FOCAD: variants seen among roughly 807,000 people sequenced by gnomAD.
The protein encoded by FOCAD is focadhesin, also known as KIAA1797.
A neutral mutation model predicts 225.6 loss-of-function variants in FOCAD; 198 were observed. The observed-to-expected ratio is 0.88, with a 90% CI of 0.78 to 0.99. The LOEUF is 0.99. Ranked by LOEUF, FOCAD falls within the 50% of genes least tolerant of loss-of-function variation. FOCAD has a pLI of 0.00. For synonymous variants in FOCAD, 897 were observed against 755.0 expected (o/e 1.19, Z -3.08); for missense variants, 2,713 against 2,123.6 (o/e 1.28, Z -5.46).
At chr9:20,949,525 A>G in intron 32 of FOCAD, 79 bp from the exon 33 acceptor site, 2 of 935,254 alleles carry the variant, frequency 2.1e-6, no homozygotes, top group African/African-American at 1.8e-5. Context: ...TAGAAGATGG[A>G]TAGCTCATGC....
intron 15 of FOCAD, among the ~76,000 whole-genome samples, chr9:20,860,086 T>A (rs976975944): frequency 6.6e-5 from 10 of 152,160 alleles, no homozygotes; most frequent in African/African-American, 2.2e-4. Context: ...AGAGCTGTTG[T>A]TAAAAGAGAA....
intron 22 of FOCAD, among the ~76,000 whole-genome samples, chr9:20,912,342 G>A (rs917064308): frequency 2.6e-5 from 4 of 152,046 alleles, no homozygotes; most frequent in African/African-American, 9.7e-5. Flanking sequence ...TAGAATTTGG[G>A]AATTATGGTA....
rs1013218303 is a variant in FOCAD at position 20,781,669 on chromosome 9, A to G, written c.995-58A>G. The G allele has an allele frequency of 7.2e-6, 11 of 1,521,016 alleles. No individual in the cohort carries two copies. In the African/African-American group the frequency reaches 1.1e-4, roughly 15 times the overall value. 94.2% of individuals were successfully genotyped at this position (1,521,016 alleles called of 1,614,324 possible). A position where few individuals can be genotyped will look rare whatever the true frequency, so the allele number is the denominator to read the frequency against. The stretch of plus-strand genomic sequence containing the variant: ...GCATATCATTCTTAAGCAAAATTGC[A>G]TTTTGTTTGACTGTGGTATTAATTT... On this transcript the variant is annotated intron_variant, in intron 9 of 43. Transcript: ENST00000338382.
Position 20,993,332 on chromosome 9 carries a change from T to G in FOCAD, c.5332+4T>G, listed in dbSNP as rs1587810171. On this transcript the variant is annotated splice_donor_region_variant and intron_variant, in intron 43 of 43. Transcript: ENST00000338382. ...CAGTCCAGGGATCTTTTGAAAGGTA[T>G]TACTTCCATGTTTTATGCTCAACAT... 5.0e-6 allele frequency: 8 copies of G among 1,611,018 alleles called. No individual in the cohort carries two copies. Among genetic ancestry groups the G allele is most frequent in the Non-Finnish European group, 6.8e-6 (8 of 1,177,382 alleles).
chr9:20,842,384 T>C (rs947628519), intron 15 of FOCAD, among the ~76,000 whole-genome samples: 3 of 152,152 alleles, frequency 2.0e-5, no homozygotes, highest in African/African-American at 7.2e-5. Flanking sequence ...TTTCTCACTT[T>C]AGCTTTAATA....
chr9:20,758,586 A>T (rs1037708280), intron 6 of FOCAD, among the ~76,000 whole-genome samples: 3 of 147,174 alleles, frequency 2.0e-5, no homozygotes, highest in African/African-American at 7.6e-5. Context: ...TCATTGTTCA[A>T]TTCCCACCTA....
chr9:20,882,143 C>A, intron 20 of FOCAD, 87 bp downstream of exon 20: 2 of 1,154,828 alleles, frequency 1.7e-6, no homozygotes, highest in Non-Finnish European at 2.5e-6. Flanking sequence ...TGGGCCATGG[C>A]AGGGTGTTGC....
At chr9:20,971,067 T>C (rs1350870410) in intron 35 of FOCAD, among the ~76,000 whole-genome samples, 1 of 152,146 alleles carries the variant, frequency 6.6e-6, no homozygotes, top group African/African-American at 2.4e-5. Context: ...AATTGTAAAG[T>C]TTGTCTGTCT....
At chr9:20,959,504 A>G (rs965607171) in intron 35 of FOCAD, among the ~76,000 whole-genome samples, 1 of 151,928 alleles carries the variant, frequency 6.6e-6, no homozygotes, top group African/African-American at 2.4e-5. Flanking sequence ...CATGTTGTTG[A>G]TTATTTCCTT....
At chr9:20,897,898 C>A (rs1000627018) in intron 21 of FOCAD, among the ~76,000 whole-genome samples, 2 of 151,806 alleles carry the variant, frequency 1.3e-5, no homozygotes, top group South Asian at 2.1e-4. Flanking sequence ...CCTAAAAAAA[C>A]TTTAAACATT....
chr9:20,974,168 C>T (rs951711066), intron 35 of FOCAD, among the ~76,000 whole-genome samples: 7 of 146,212 alleles, frequency 4.8e-5, no homozygotes, highest in Non-Finnish European at 1.1e-4. Flanking sequence ...CTGTTTTTTT[C>T]CTGCTGACTC....
At chr9:20,672,588 C>T (rs947077119) in intron 2 of FOCAD, among the ~76,000 whole-genome samples, 1 of 152,172 alleles carries the variant, frequency 6.6e-6, no homozygotes, top group Admixed American at 6.5e-5. Context: ...GTAGCTGGGA[C>T]AACAGGTGCC....
intron 28 of FOCAD, among the ~76,000 whole-genome samples, chr9:20,933,481 GA>G (rs1326104452): frequency 6.6e-6 from 1 of 152,142 alleles, no homozygotes. Context: ...ACTTCACTTA[GA>G]ATAATAGTCT....
In FOCAD at chr9:20,751,898, C is replaced by T. The variant is rs537465857; in HGVS notation, c.393-6192C>T. On this transcript the variant is annotated intron_variant, in intron 5 of 43. Coordinates refer to ENST00000338382, the MANE Select transcript of FOCAD (RefSeq NM_001375567.1). Reference sequence around the variant, plus strand: ...CATTGTGGTTTTGATTTGCATTTCTCTAAGGGCCAGTGATGGTGAGCATTT... The same window carrying T: ...CATTGTGGTTTTGATTTGCATTTCTTTAAGGGCCAGTGATGGTGAGCATTT... 9.6e-4 allele frequency among the ~76,000 whole-genome samples: 138 copies of T among 144,292 alleles called. 2 individuals carry two copies. The highest frequency in any genetic ancestry group is 3.4e-3 in the African/African-American group (133 of 39,574). 94.7% of individuals were successfully genotyped at this position (144,292 alleles called of 152,430 possible). A position where few individuals can be genotyped will look rare whatever the true frequency, so the allele number is the denominator to read the frequency against.
intron 5 of FOCAD, among the ~76,000 whole-genome samples, chr9:20,752,480 G>A (rs1484117803): frequency 4.6e-5 from 7 of 152,054 alleles, no homozygotes; most frequent in African/African-American, 1.4e-4. Flanking sequence ...GATATGCGGC[G>A]TTATTTCTGA....
chr9:20,995,404 G>T (rs1026840046), intron 43 of FOCAD, 152 bp from the exon 44 acceptor site: 9 of 405,228 alleles, frequency 2.2e-5, no homozygotes, highest in South Asian at 4.5e-5. Flanking sequence ...ATTTATAAAT[G>T]GTTTTCTGCC....
intron 4 of FOCAD, among the ~76,000 whole-genome samples, chr9:20,739,775 A>G (rs1461056571): frequency 1.3e-5 from 2 of 152,024 alleles, no homozygotes; most frequent in African/African-American, 4.8e-5. Flanking sequence ...TTAAATTGCT[A>G]TTCCCTTTCT....
chr9:20,963,490 A>G (rs1838957803), intron 35 of FOCAD, among the ~76,000 whole-genome samples: 1 of 152,168 alleles, frequency 6.6e-6, no homozygotes, highest in South Asian at 2.1e-4. Flanking sequence ...GGATTCTCTC[A>G]AAGTGCCTGG....
rs534006774 is a variant in FOCAD, at chr9:20,825,655, C to T, written c.1920+2540C>T. ...ATTTTGTAGGGCTTTCCCAACTTTG[C>T]CTTTGTAAAATAAGTAGTGCTTTTT... On this transcript the variant is annotated intron_variant, in intron 15 of 43. Transcript: ENST00000338382. 4.0e-4 allele frequency among the ~76,000 whole-genome samples: 61 copies of T among 152,162 alleles called. No individual in the cohort carries two copies. In the South Asian group the frequency reaches 5.6e-3, roughly 14 times the overall value.
Sources: gnomAD v4.1 joint callset for allele counts (sites outside exome capture counted in the v4.1 genomes callset) on GRCh38, gnomAD v4.1.1 for gene constraint, MANE v1.5 for transcripts, NCBI Gene and HGNC (gene_info 2026-07-23, HGNC 2026-07-21) for gene names.